CUL4A: variants seen among roughly 807,000 people sequenced by gnomAD.
The protein encoded by CUL4A is cullin 4A.
Under a neutral mutation model 95.5 loss-of-function variants are expected in CUL4A, and 16 were observed. That is an observed-to-expected ratio of 0.17 (90% confidence interval 0.11 to 0.25). CUL4A has a LOEUF of 0.25. Ranked by LOEUF, CUL4A falls within the 10% of genes least tolerant of loss-of-function variation. CUL4A has a pLI of 1.00. For synonymous variants in CUL4A, 380 were observed against 353.1 expected (o/e 1.08, Z -0.85); for missense variants, 610 against 937.0 (o/e 0.65, Z 4.56).
Position 113,241,981 on chromosome 13 carries a change from C to G in CUL4A, c.1036-987C>G, listed in dbSNP as rs141529202. 3.4e-3 allele frequency among the ~76,000 whole-genome samples: 520 copies of G among 152,160 alleles called. 1 individual carries two copies. The highest frequency in any genetic ancestry group is 5.8e-3 in the Non-Finnish European group (393 of 68,008). On this transcript the variant is annotated intron_variant, in intron 10 of 19. Coordinates refer to ENST00000375440, the MANE Select transcript of CUL4A (RefSeq NM_001008895.4). ...ATGTTAACTGTTTATTAGTGCCCTA[C>G]ACAGACTTTTAGGAATGTTTAATAT... is the stretch of plus-strand genomic sequence containing the variant.
intron 2 of CUL4A, 35 bp from the exon 3 acceptor site, chr13:113,218,910 A>C (rs1448176005): frequency 6.9e-7 from 1 of 1,439,574 alleles, no homozygotes; most frequent in South Asian, 1.2e-5. Context: ...TCTGTTGTTC[A>C]TACTGAAGAA....
intron 18 of CUL4A, among the ~76,000 whole-genome samples, chr13:113,260,211 A>AAAAAAAAAAAAAAAAAACAAAAAAAAC (rs1197388632): frequency 1.7e-5 from 2 of 119,510 alleles, no homozygotes; most frequent in African/African-American, 3.6e-5. Flanking sequence ...CTCAAAAAAA[A>AAAAAAAAAAAAAAAAAACAAAAAAAAC]AAAAAAAACC....
intron 10 of CUL4A, among the ~76,000 whole-genome samples, chr13:113,242,144 G>A (rs545901791): frequency 7.2e-5 from 11 of 152,134 alleles, no homozygotes; most frequent in African/African-American, 2.4e-4. Flanking sequence ...GTGAAACCCC[G>A]TCTCTAGCTG....
chr13:113,220,188 T>G (rs965806986), intron 3 of CUL4A, among the ~76,000 whole-genome samples: 4 of 152,212 alleles, frequency 2.6e-5, no homozygotes, highest in South Asian at 2.1e-4. Context: ...TCTGCAGCAG[T>G]TGGTGCTGCT....
At position 113,253,199 on chromosome 13, in the gene CUL4A, A is replaced by G; in HGVS notation, c.1752+4A>G. The G allele has an allele frequency of 1.3e-6, 2 of 1,493,818 alleles. No individual in the cohort carries two copies. Among genetic ancestry groups the G allele is most frequent in the Non-Finnish European group, 1.8e-6 (2 of 1,099,062 alleles). The allele number at this position is 1,493,818 out of a possible 1,614,324, so 92.5% of individuals were successfully genotyped here. On this transcript the variant is annotated splice_donor_region_variant and intron_variant, in intron 16 of 19. Transcript: ENST00000375440. ...TTTAAAAGCGGAGTTTAAAGAAGTAAGTTGTCTGTTTCATTTATTTTTTAT... is the reference window on the plus strand; with the variant it reads ...TTTAAAAGCGGAGTTTAAAGAAGTAGGTTGTCTGTTTCATTTATTTTTTAT...
At chr13:113,236,270 G>A (rs1439117698) in intron 8 of CUL4A, among the ~76,000 whole-genome samples, 1 of 152,178 alleles carries the variant, frequency 6.6e-6, no homozygotes, top group Non-Finnish European at 1.5e-5. Context: ...GGTGGCTCGG[G>A]GGCCATGTTG....
intron 3 of CUL4A, among the ~76,000 whole-genome samples, chr13:113,221,271 C>A (rs1219114620): frequency 2.0e-5 from 3 of 152,190 alleles, no homozygotes; most frequent in African/African-American, 7.2e-5. Context: ...CTGTGAGTAT[C>A]CCAGAGTCCT....
intron 18 of CUL4A, among the ~76,000 whole-genome samples, chr13:113,256,034 T>A (rs1354649632): frequency 2.6e-5 from 4 of 152,160 alleles, no homozygotes; most frequent in Non-Finnish European, 4.4e-5. Flanking sequence ...TGTAAACTTT[T>A]TTTTTAGTGG....
At chr13:113,235,794 C>T (rs1320439406) in intron 8 of CUL4A, among the ~76,000 whole-genome samples, 1 of 151,992 alleles carries the variant, frequency 6.6e-6, no homozygotes. Context: ...CATGGTGAAA[C>T]CCCGTCTCTA....
chr13:113,250,504 A>G lies in CUL4A; in HGVS notation c.1639-2578A>G, dbSNP rs114695232. Among the ~76,000 whole-genome samples the G allele has an allele frequency of 1.0e-2, 1,519 of 152,286 alleles. 28 individuals carry two copies. Among genetic ancestry groups the G allele is most frequent in the African/African-American group, 0.035 (1,434 of 41,558 alleles). ...CACTATGTATTCTCCCAAAAGTTTT[A>G]TAGTTTTAGCTCATATGTTTCAGTC... On this transcript the variant is annotated intron_variant, in intron 15 of 19. Transcript: ENST00000375440.
intron 3 of CUL4A, among the ~76,000 whole-genome samples, chr13:113,222,653 A>G (rs550757525): frequency 2.0e-4 from 30 of 152,336 alleles, no homozygotes; most frequent in African/African-American, 6.7e-4. Flanking sequence ...GAGTGGCCAG[A>G]CACAGTGGCT....
At chr13:113,255,249 T>G in intron 18 of CUL4A, 124 bp downstream of exon 18, 1 of 660,616 alleles carries the variant, frequency 1.5e-6, no homozygotes, top group Non-Finnish European at 2.6e-6. Flanking sequence ...TTTCACTATG[T>G]AATGTTTATA....
intron 2 of CUL4A, among the ~76,000 whole-genome samples, chr13:113,213,823 C>G (rs558200216): frequency 6.5e-4 from 99 of 152,298 alleles, no homozygotes; most frequent in African/African-American, 2.3e-3. Context: ...AGGTGCTGCC[C>G]CACCAGGGGA....
intron 10 of CUL4A, among the ~76,000 whole-genome samples, chr13:113,240,649 C>A (rs577518453): frequency 1.3e-5 from 2 of 152,238 alleles, no homozygotes; most frequent in African/African-American, 4.8e-5. Context: ...TATTGCATAA[C>A]ATTTTGGAAA....
In CUL4A at chr13:113,263,595, C is replaced by G. The variant is rs772662801; in HGVS notation, c.*13C>G. ...CTACGTGGCCTGACGCATCTGCAGACGGTTCCCCTTCATGAAACACTAGAA... is the reference window on the plus strand; with the variant it reads ...CTACGTGGCCTGACGCATCTGCAGAGGGTTCCCCTTCATGAAACACTAGAA... On this transcript the variant is annotated 3_prime_UTR_variant, in exon 20 of 20. Coordinates refer to ENST00000375440, the MANE Select transcript of CUL4A (RefSeq NM_001008895.4). The G allele has an allele frequency of 2.0e-6, 3 of 1,536,854 alleles. No individual in the cohort carries two copies. The highest frequency in any genetic ancestry group is 1.8e-5 in the Admixed American group (1 of 54,792).
rs757180622 is a variant in CUL4A at position 113,246,013 on chromosome 13, A to G, written c.1588A>G (p.Met530Val). Residue 530 changes from methionine to valine, a missense_variant, in exon 15 of 20, where the codon ATG becomes GTG. This residue lies in a region of CUL4A where 44 missense variants were observed against 75.6 expected (regional missense o/e 0.58). Transcript: ENST00000375440. ...PIDLTVNILT[M>V]GYWPTYTPME... Reference sequence around the variant, plus strand: ...AGACCTCACAGTGAACATACTCACAATGGGCTACTGGCCAACATACACGCC... The same window carrying G: ...AGACCTCACAGTGAACATACTCACAGTGGGCTACTGGCCAACATACACGCC... 9.9e-6 allele frequency: 16 copies of G among 1,613,930 alleles called. No individual in the cohort carries two copies. The highest frequency in any genetic ancestry group is 5.3e-5 in the African/African-American group (4 of 74,944).
intron 15 of CUL4A, among the ~76,000 whole-genome samples, chr13:113,248,519 C>T (rs1289929669): frequency 6.6e-6 from 1 of 151,996 alleles, no homozygotes; most frequent in Non-Finnish European, 1.5e-5. Flanking sequence ...TTGAAGCTTA[C>T]CATACTGTAT....
At chr13:113,254,101 T>G (rs1170493668) in intron 16 of CUL4A, among the ~76,000 whole-genome samples, 1 of 152,110 alleles carries the variant, frequency 6.6e-6, no homozygotes, top group Non-Finnish European at 1.5e-5. Context: ...TGCAGCTCTC[T>G]CCAGGTGTGC....
At chr13:113,234,274 A>T (rs924165883) in intron 7 of CUL4A, among the ~76,000 whole-genome samples, 1 of 152,246 alleles carries the variant, frequency 6.6e-6, no homozygotes, top group Non-Finnish European at 1.5e-5. Context: ...TGATAAAAAC[A>T]TACATGAAAA....
Sources: gnomAD v4.1 joint callset for allele counts (sites outside exome capture counted in the v4.1 genomes callset) on GRCh38, gnomAD v4.1.1 for gene constraint, gnomAD v4.1.1 regional missense constraint, MANE v1.5 for transcripts, NCBI Gene and HGNC (gene_info 2026-07-23, HGNC 2026-07-21) for gene names.